The following USP28 variants were observed in gnomAD, a reference collection of about 807,000 sequenced individuals.
The protein encoded by USP28 is ubiquitin carboxyl-terminal hydrolase 28.
USP28 carries 113 observed loss-of-function variants against 145.0 expected under a neutral mutation model. That is an observed-to-expected ratio of 0.78 (90% CI 0.67 to 0.91). The LOEUF is 0.91. Ranked by LOEUF, USP28 falls within the 40% of genes least tolerant of loss-of-function variation. USP28 has a pLI of 0.00. For synonymous variants in USP28, 447 were observed against 450.9 expected (o/e 0.99, Z 0.11); for missense variants, 1,201 against 1,289.6 (o/e 0.93, Z 1.05).
chr11:113,806,500 C>T, exon 19 of USP28: 1 of 1,612,144 alleles, frequency 6.2e-7, no homozygotes, highest in Non-Finnish European at 8.5e-7. Flanking sequence ...TTAATCAGCC[C>T]TGCTTCAGAC....
chr11:113,864,210 C>T (rs907955211), intron 1 of USP28, among the ~76,000 whole-genome samples: 10 of 152,150 alleles, frequency 6.6e-5, no homozygotes, highest in African/African-American at 2.4e-4. Context: ...CACTGCACTC[C>T]AGCCTGGGCA....
chr11:113,842,349 G>T (rs993705348), intron 3 of USP28, among the ~76,000 whole-genome samples: 1 of 152,122 alleles, frequency 6.6e-6, no homozygotes, highest in Admixed American at 6.5e-5. Flanking sequence ...ACTTTGGGAG[G>T]CCGAGGCGGG....
chr11:113,840,537 C>A, intron 5 of USP28, 61 bp downstream of exon 5: 1 of 1,559,044 alleles, frequency 6.4e-7, no homozygotes. Context: ...TTCTACATTT[C>A]AGTTTAATAA....
intron 7 of USP28, 62 bp from the exon 8 acceptor site, chr11:113,832,055 T>C (rs1455013319): frequency 3.7e-6 from 5 of 1,345,428 alleles, no homozygotes; most frequent in African/African-American, 2.9e-5. Flanking sequence ...TTAAAATTTA[T>C]CCTTATCCCA....
intron 1 of USP28, among the ~76,000 whole-genome samples, chr11:113,858,248 C>T (rs1947282809): frequency 6.6e-6 from 1 of 152,184 alleles, no homozygotes; most frequent in Non-Finnish European, 1.5e-5. Flanking sequence ...CAATGTTCTA[C>T]ATGGAAATTC....
At chr11:113,800,082 T>A (rs562393679) in intron 24 of USP28, among the ~76,000 whole-genome samples, 2 of 152,006 alleles carry the variant, frequency 1.3e-5, no homozygotes, top group African/African-American at 2.4e-5. Context: ...CTTTGCTCAC[T>A]GCAAGCTCCG....
chr11:113,827,817 A>C (rs1943549191), intron 10 of USP28, among the ~76,000 whole-genome samples: 1 of 152,244 alleles, frequency 6.6e-6, no homozygotes, highest in Non-Finnish European at 1.5e-5. Context: ...ATATGTGTAC[A>C]TATATTACAT....
At chr11:113,813,632 A>T in intron 15 of USP28, 1 of 442,580 alleles carries the variant, frequency 2.3e-6, no homozygotes, top group East Asian at 4.6e-5. Context: ...CTGACAGCAA[A>T]CCTTTCTACA....
chr11:113,852,625 A>G (rs760335365), exon 3 of USP28: 6 of 1,614,122 alleles, frequency 3.7e-6, no homozygotes, highest in South Asian at 1.1e-5. Flanking sequence ...TAATGTCACC[A>G]TTACTGGCCT....
At chr11:113,828,308 G>T (rs986094000) in intron 10 of USP28, among the ~76,000 whole-genome samples, 1 of 152,150 alleles carries the variant, frequency 6.6e-6, no homozygotes, top group Non-Finnish European at 1.5e-5. Context: ...GTCTCCACAG[G>T]CCTAAGTATA....
At chr11:113,831,895 G>A in intron 8 of USP28, 25 bp downstream of exon 8, 1 of 1,605,738 alleles carries the variant, frequency 6.2e-7, no homozygotes, top group Non-Finnish European at 8.5e-7. Flanking sequence ...TCGGAAGGAT[G>A]TACAAACAAA....
chr11:113,815,318 G>A, exon 14 of USP28: 2 of 1,614,082 alleles, frequency 1.2e-6, no homozygotes, highest in African/African-American at 1.3e-5. Flanking sequence ...TTAGACTTGG[G>A]TAAAGAATCT....
chr11:113,833,611 ACGTGT>A, intron 6 of USP28, 54 bp from the exon 7 acceptor site: 1 of 1,549,558 alleles, frequency 6.5e-7, no homozygotes, highest in African/African-American at 1.4e-5. Flanking sequence ...GAAAATCAGA[ACGTGT>A]AAAGAAAAAA....
chr11:113,847,885 G>A (rs1243042079), intron 3 of USP28, among the ~76,000 whole-genome samples: 2 of 152,152 alleles, frequency 1.3e-5, no homozygotes, highest in African/African-American at 4.8e-5. Context: ...CTTCAGTGTG[G>A]ACCCCTCATA....
At chr11:113,814,012 C>T in intron 14 of USP28, 57 bp from the exon 15 acceptor site, 1 of 1,341,234 alleles carries the variant, frequency 7.5e-7, no homozygotes, top group Non-Finnish European at 1.0e-6. Flanking sequence ...CTATGTCACA[C>T]AGGCTACTTT....
chr11:113,803,693 A>G, intron 22 of USP28, 105 bp downstream of exon 23: 1 of 873,986 alleles, frequency 1.1e-6, no homozygotes, highest in East Asian at 2.5e-5. Flanking sequence ...AGTGTATGTG[A>G]CAAGGGAGGT....
intron 3 of USP28, among the ~76,000 whole-genome samples, chr11:113,849,655 G>A (rs2136385151): frequency 6.6e-6 from 1 of 152,266 alleles, no homozygotes; most frequent in African/African-American, 2.4e-5. Context: ...TGATATGGGG[G>A]TACTGCAACA....
At chr11:113,851,449 C>T (rs1490708840) in intron 3 of USP28, among the ~76,000 whole-genome samples, 1 of 152,092 alleles carries the variant, frequency 6.6e-6, no homozygotes, top group East Asian at 1.9e-4. Context: ...AAGGTGCACT[C>T]CCATCTTAGG....
chr11:113,808,190 G>A (rs1940349461), intron 18 of USP28, 54 bp from the exon 19 acceptor site: 2 of 1,535,900 alleles, frequency 1.3e-6, no homozygotes, highest in African/African-American at 1.4e-5. Flanking sequence ...AAATAAATAG[G>A]GGTTGGTTAA....
Sources: allele counts gnomAD v4.1 joint callset (sites outside exome capture counted in the v4.1 genomes callset), GRCh38; gene constraint gnomAD v4.1.1; transcripts MANE v1.5; gene names NCBI Gene and HGNC (gene_info 2026-07-23, HGNC 2026-07-21).